OSTN: variants seen among roughly 807,000 people sequenced by gnomAD.
The protein encoded by OSTN is osteocrin.
OSTN carries 9 observed loss-of-function variants against 12.0 expected under a neutral mutation model. That is an observed-to-expected ratio of 0.75 (90% CI 0.45 to 1.30). OSTN has a LOEUF of 1.30. Ranked by LOEUF, OSTN falls within the 50% of genes most tolerant of loss-of-function variation. The pLI, the probability that OSTN is intolerant of heterozygous loss-of-function variation, is 0.00. For missense variants in OSTN, 148 were observed against 152.3 expected (o/e 0.97, Z 0.15); for synonymous variants, 59 against 56.9 (o/e 1.04, Z -0.16).
chr3:191,212,744 A>G, intron 2 of OSTN, 110 bp downstream of exon 2: 1 of 206,824 alleles, frequency 4.8e-6, no homozygotes, highest in Non-Finnish European at 8.9e-6. Flanking sequence ...ATACGTAAAT[A>G]TAATTTATAT....
At chr3:191,256,069 A>G (rs1047995578) in intron 4 of OSTN, among the ~76,000 whole-genome samples, 1 of 152,088 alleles carries the variant, frequency 6.6e-6, no homozygotes, top group African/African-American at 2.4e-5. Flanking sequence ...TTGTCTGTGT[A>G]TGACAAAAGT....
intron 1 of OSTN, among the ~76,000 whole-genome samples, chr3:191,207,624 C>T (rs377337371): frequency 6.6e-6 from 1 of 152,150 alleles, no homozygotes; most frequent in Non-Finnish European, 1.5e-5. Flanking sequence ...AAAAATAGCT[C>T]ATTGCAACAC....
At chr3:191,248,159 C>T (rs1459410325) in intron 3 of OSTN, among the ~76,000 whole-genome samples, 1 of 151,998 alleles carries the variant, frequency 6.6e-6, no homozygotes, top group African/African-American at 2.4e-5. Flanking sequence ...AAGTTATTTA[C>T]TTCATAGTAA....
intron 3 of OSTN, among the ~76,000 whole-genome samples, chr3:191,227,089 AT>A (rs1345488900): frequency 6.6e-6 from 1 of 152,182 alleles, no homozygotes; most frequent in Non-Finnish European, 1.5e-5. Flanking sequence ...ACTGGAAAAA[AT>A]GTTTATGACT....
intron 3 of OSTN, among the ~76,000 whole-genome samples, chr3:191,231,889 G>A (rs1211132790): frequency 6.6e-6 from 1 of 152,088 alleles, no homozygotes; most frequent in Non-Finnish European, 1.5e-5. Flanking sequence ...TAGAGTGATA[G>A]AATTTATGAG....
chr3:191,204,246 C>T (rs979762745), intron 1 of OSTN, among the ~76,000 whole-genome samples: 30 of 151,982 alleles, frequency 2.0e-4, no homozygotes, highest in Non-Finnish European at 4.4e-4. Context: ...CAGCTTGCTC[C>T]TTTTTTTCAG....
In OSTN at chr3:191,212,601, A is replaced by ACACTGACACTGTGGACACTGACACTGAC. The variant is rs780825261; in HGVS notation, c.69_70insCACTGACACTGTGGACACTGACACTGAC (p.Lys24HisfsTer2). 4 of 1,587,422 alleles carry ACACTGACACTGTGGACACTGACACTGAC rather than the reference A, an allele frequency of 2.5e-6. No individual in the cohort carries two copies. Among genetic ancestry groups the ACACTGACACTGTGGACACTGACACTGAC allele is most frequent in the Non-Finnish European group, 2.6e-6 (3 of 1,162,918 alleles). ...TGACACTGACACTGTGGAGCTCAGG[A>ACACTGACACTGTGGACACTGACACTGAC]AAAGTCCTCTCAGTAGATGTAACAA... is the stretch of plus-strand genomic sequence containing the variant. On this transcript the variant is annotated stop_gained and frameshift_variant, in exon 2 of 5. Coordinates refer to ENST00000682035, the MANE Select transcript of OSTN (RefSeq NM_198184.2). LOFTEE classifies it high-confidence loss of function.
At chr3:191,200,424 A>G (rs1576919442) in intron 1 of OSTN, among the ~76,000 whole-genome samples, 2 of 152,276 alleles carry the variant, frequency 1.3e-5, no homozygotes, top group East Asian at 1.9e-4. Context: ...TTGACTGGGC[A>G]CGGGAACCTC....
intron 1 of OSTN, among the ~76,000 whole-genome samples, chr3:191,201,667 A>C (rs1447224041): frequency 6.6e-6 from 1 of 152,104 alleles, no homozygotes; most frequent in South Asian, 2.1e-4. Context: ...AGTGATTTCT[A>C]TTTATAACTC....
intron 1 of OSTN, among the ~76,000 whole-genome samples, chr3:191,203,782 G>A (rs905598267): frequency 2.0e-5 from 3 of 152,228 alleles, no homozygotes; most frequent in Non-Finnish European, 4.4e-5. Context: ...AATGAAAGTT[G>A]TTGTTCTGGC....
intron 3 of OSTN, among the ~76,000 whole-genome samples, chr3:191,227,109 A>G (rs1318007808): frequency 6.6e-6 from 1 of 151,946 alleles, no homozygotes; most frequent in African/African-American, 2.4e-5. Context: ...CTTATATCAA[A>G]GGGTTACTAT....
intron 3 of OSTN, among the ~76,000 whole-genome samples, chr3:191,226,633 C>T (rs1714918409): frequency 6.6e-6 from 1 of 152,054 alleles, no homozygotes; most frequent in Non-Finnish European, 1.5e-5. Context: ...AAAAAAGAGC[C>T]CTACCAGATA....
intron 1 of OSTN, among the ~76,000 whole-genome samples, chr3:191,207,550 T>C (rs1714310465): frequency 6.6e-6 from 1 of 152,196 alleles, no homozygotes; most frequent in South Asian, 2.1e-4. Context: ...CTTTCTTTTG[T>C]AGATAAATGA....
rs552504302 is a variant in OSTN, at chr3:191,236,580, G to A, written c.318-13457G>A. On this transcript the variant is annotated intron_variant, in intron 3 of 4. Transcript: ENST00000682035. ...AAAAACAATCCTTGGGGAGATGTGC[G>A]CTACTACAAGGGCTTGGGACAAAGG... 1.2e-3 allele frequency among the ~76,000 whole-genome samples: 177 copies of A among 151,206 alleles called. 1 individual carries two copies. The highest frequency in any genetic ancestry group is 4.0e-3 in the African/African-American group (166 of 41,250).
chr3:191,259,442 C>T (rs1715752210), intron 4 of OSTN, among the ~76,000 whole-genome samples: 3 of 151,822 alleles, frequency 2.0e-5, no homozygotes, highest in African/African-American at 7.2e-5. Flanking sequence ...ACATCATGAT[C>T]CACCCGCCTT....
At chr3:191,247,579 G>A (rs1715462696) in intron 3 of OSTN, among the ~76,000 whole-genome samples, 1 of 152,164 alleles carries the variant, frequency 6.6e-6, no homozygotes, top group Non-Finnish European at 1.5e-5. Flanking sequence ...AAAGAAGGTT[G>A]AATAAGTTGA....
chr3:191,231,959 G>T (rs932538630), intron 3 of OSTN, among the ~76,000 whole-genome samples: 2 of 151,790 alleles, frequency 1.3e-5, no homozygotes, highest in Non-Finnish European at 2.9e-5. Flanking sequence ...TAATTAATTT[G>T]CAATAAAACA....
At chr3:191,219,302 C>T (rs1036367807) in intron 3 of OSTN, among the ~76,000 whole-genome samples, 5 of 152,120 alleles carry the variant, frequency 3.3e-5, no homozygotes, top group Non-Finnish European at 7.4e-5. Flanking sequence ...ACTGAGTTTT[C>T]CATTTACTAG....
At chr3:191,257,453 C>T (rs768595202) in intron 4 of OSTN, among the ~76,000 whole-genome samples, 1 of 152,044 alleles carries the variant, frequency 6.6e-6, no homozygotes, top group South Asian at 2.1e-4. Context: ...TCTAATTTCT[C>T]ACAGCATCTC....
Sources: allele counts gnomAD v4.1 joint callset (sites outside exome capture counted in the v4.1 genomes callset), GRCh38; gene constraint gnomAD v4.1.1; transcripts MANE v1.5; gene names NCBI Gene and HGNC (gene_info 2026-07-23, HGNC 2026-07-21).